The following SYNE1 variants were observed in gnomAD, a reference collection of about 807,000 sequenced individuals.
SYNE1 encodes the protein nesprin-1.
A neutral mutation model predicts 1,111.0 loss-of-function variants in SYNE1; 616 were observed. That is an observed-to-expected ratio of 0.55 (90% CI 0.52 to 0.59). SYNE1 has a LOEUF of 0.59. Among genes scored for constraint, SYNE1 ranks in the 20% least tolerant of loss-of-function variants. The probability of loss-of-function intolerance (pLI) is 0.00; values close to 1 mark genes in which losing one functional copy is unlikely to be tolerated. For missense variants in SYNE1, 10,006 were observed against 10,417.0 expected (o/e 0.96, Z 1.72); for synonymous variants, 3,855 against 3,825.8 (o/e 1.01, Z -0.28).
At chr6:152,165,859 T>C (rs2063541678) in intron 130 of SYNE1, among the ~76,000 whole-genome samples, 2 of 152,194 alleles carry the variant, frequency 1.3e-5, no homozygotes, top group Non-Finnish European at 2.9e-5. Context: ...GGTACAAAGC[T>C]CATGGAGTGC....
At chr6:152,528,191 A>T (rs1019604877) in intron 4 of SYNE1, among the ~76,000 whole-genome samples, 1 of 151,916 alleles carries the variant, frequency 6.6e-6, no homozygotes, top group Admixed American at 6.6e-5. Context: ...TTCTTTACAA[A>T]TTTTTTTCTG....
At chr6:152,481,072 C>A (rs947791406) in intron 14 of SYNE1, 2 of 278,486 alleles carry the variant, frequency 7.2e-6, no homozygotes, top group African/African-American at 2.2e-5. Flanking sequence ...GACTCACTCC[C>A]CCGTAGGAGA....
chr6:152,383,817 A>G (rs1000830091), intron 55 of SYNE1, among the ~76,000 whole-genome samples: 1 of 152,182 alleles, frequency 6.6e-6, no homozygotes, highest in African/African-American at 2.4e-5. Flanking sequence ...ACTGCCCCCA[A>G]GACATTACTA....
chr6:152,600,585 GA>G (rs569384077), intron 3 of SYNE1, among the ~76,000 whole-genome samples: 178 of 152,216 alleles, frequency 1.2e-3, no homozygotes, highest in Admixed American at 3.3e-3. Flanking sequence ...ATGCAAAAAA[GA>G]AACAAATGGA....
At chr6:152,340,194 G>C (rs908179248) in intron 74 of SYNE1, among the ~76,000 whole-genome samples, 1 of 152,196 alleles carries the variant, frequency 6.6e-6, no homozygotes, top group Admixed American at 6.5e-5. Context: ...TGCATGGCAT[G>C]GCATAAGGTA....
chr6:152,220,742 C>A (rs1383275889), intron 119 of SYNE1, 100 bp downstream of exon 119: 4 of 1,111,392 alleles, frequency 3.6e-6, no homozygotes, highest in Non-Finnish European at 5.5e-6. Flanking sequence ...GGGTAACTGT[C>A]TCACATAGAA....
At chr6:152,155,702 C>T (rs1217693510) in intron 132 of SYNE1, among the ~76,000 whole-genome samples, 2 of 152,178 alleles carry the variant, frequency 1.3e-5, no homozygotes, top group African/African-American at 4.8e-5. Context: ...ACTGTTAGGT[C>T]AGACATAACT....
chr6:152,278,551 C>A (rs2093802149), intron 97 of SYNE1, among the ~76,000 whole-genome samples: 1 of 152,108 alleles, frequency 6.6e-6, no homozygotes, highest in Admixed American at 6.5e-5. Context: ...CAAGCTCCGC[C>A]TCCCAGGTTC....
At chr6:152,610,160 G>C (rs1467932755) in intron 3 of SYNE1, among the ~76,000 whole-genome samples, 2 of 152,164 alleles carry the variant, frequency 1.3e-5, no homozygotes, top group Non-Finnish European at 2.9e-5. Context: ...CAAGTTAACA[G>C]AGTAGGCTTC....
At chr6:152,397,063 A>G (rs965975917) in intron 49 of SYNE1, 83 bp from the exon 50 acceptor site, 5 of 1,431,884 alleles carry the variant, frequency 3.5e-6, no homozygotes, top group Admixed American at 3.4e-5. Flanking sequence ...GAGAAGAAAA[A>G]CAGAGTCCAA....
chr6:152,420,912 T>C (rs1375019367), intron 39 of SYNE1, among the ~76,000 whole-genome samples: 1 of 152,188 alleles, frequency 6.6e-6, no homozygotes, highest in Non-Finnish European at 1.5e-5. Context: ...TTTCCAGAAA[T>C]TGGAGACTAT....
At position 152,486,086 on chromosome 6, in the gene SYNE1, T is replaced by G. The variant is rs545254363; in HGVS notation, c.1048-1114A>C. Among the ~76,000 whole-genome samples the G allele has an allele frequency of 6.6e-5, 10 of 152,086 alleles. No individual in the cohort carries two copies. In the South Asian group the frequency reaches 2.1e-3, roughly 32 times the overall value. Reference sequence around the variant, plus strand: ...GGCGCATGCCTGTAGTCCCAGCTACTCAGGAGGCTGAGGCAGGAGAATCGC... The same window carrying G: ...GGCGCATGCCTGTAGTCCCAGCTACGCAGGAGGCTGAGGCAGGAGAATCGC... On this transcript the variant is annotated intron_variant, in intron 12 of 145. Coordinates refer to ENST00000367255, the MANE Select transcript of SYNE1 (RefSeq NM_182961.4).
At chr6:152,502,965 C>T (rs776937450) in intron 9 of SYNE1, among the ~76,000 whole-genome samples, 1 of 151,946 alleles carries the variant, frequency 6.6e-6, no homozygotes, top group Non-Finnish European at 1.5e-5. Flanking sequence ...AAACAAACAG[C>T]GTTTAAGAAA....
In SYNE1 at chr6:152,362,188, C is replaced by T. The variant is rs147402839; in HGVS notation, c.10281G>A (p.Thr3427=). The T allele has an allele frequency of 6.2e-7, 1 of 1,614,202 alleles. No individual in the cohort carries two copies. The highest frequency in any genetic ancestry group is 8.5e-7 in the Non-Finnish European group (1 of 1,180,046). The change falls in exon 64 of 146, where the codon ACG becomes ACA. Residue 3427 remains threonine, a synonymous_variant. Transcript: ENST00000367255. ...CTCTCACCTTGGCTTTTCCGAGCAT[C>T]GTTGTTTTATCCCGCAGCTCCGCAT... ...RQHAELRDKT[T]MLGKAKLLNE...
At chr6:152,231,713 C>T in intron 113 of SYNE1, 146 bp from the exon 114 acceptor site, 1 of 844,370 alleles carries the variant, frequency 1.2e-6, no homozygotes, top group South Asian at 1.7e-5. Context: ...GTTCACACAA[C>T]CCATTATTTT....
chr6:152,133,211 T>C, intron 143 of SYNE1, 65 bp downstream of exon 143: 2 of 1,448,122 alleles, frequency 1.4e-6, no homozygotes, highest in East Asian at 4.5e-5. Flanking sequence ...CTAAAATGCA[T>C]GAAGATGATG....
At chr6:152,303,698 C>T (rs1170828296) in intron 91 of SYNE1, among the ~76,000 whole-genome samples, 1 of 152,128 alleles carries the variant, frequency 6.6e-6, no homozygotes, top group East Asian at 1.9e-4. Flanking sequence ...ACTAATAATA[C>T]CTAATACAAT....
chr6:152,142,385 A>G (rs2058701901), intron 138 of SYNE1, among the ~76,000 whole-genome samples: 1 of 152,248 alleles, frequency 6.6e-6, no homozygotes, highest in Non-Finnish European at 1.5e-5. Context: ...CTTGCATTAA[A>G]TAATTAAAAT....
At chr6:152,560,532 T>C (rs1248154703) in intron 3 of SYNE1, among the ~76,000 whole-genome samples, 1 of 152,182 alleles carries the variant, frequency 6.6e-6, no homozygotes, top group Non-Finnish European at 1.5e-5. Context: ...AATACCAATC[T>C]TTCCCAAACT....
Sources: allele counts gnomAD v4.1 joint callset (sites outside exome capture counted in the v4.1 genomes callset), GRCh38; gene constraint gnomAD v4.1.1; transcripts MANE v1.5; gene names NCBI Gene and HGNC (gene_info 2026-07-23, HGNC 2026-07-21).